Variants in PPARGC1A observed in about 807,000 individuals in gnomAD.
PPARGC1A encodes PPARG coactivator 1 alpha.
Under a neutral mutation model 88.7 loss-of-function variants are expected in PPARGC1A, and 25 were observed. That is an observed-to-expected ratio of 0.28 (90% CI 0.21 to 0.39). PPARGC1A has a LOEUF of 0.39. Ranked by LOEUF, PPARGC1A falls within the 10% of genes least tolerant of loss-of-function variation. The pLI is 1.00. For missense variants in PPARGC1A, 880 were observed against 968.7 expected (o/e 0.91, Z 1.22); for synonymous variants, 363 against 355.6 (o/e 1.02, Z -0.24).
chr4:24,380,160 A>G, the PPARGC1A span, among the ~76,000 whole-genome samples: 7 of 152,176 alleles, frequency 4.6e-5, no homozygotes, highest in Non-Finnish European at 7.3e-5. Context: ...AAACAAAATC[A>G]TAAATCTTGC....
the PPARGC1A span, among the ~76,000 whole-genome samples, chr4:24,367,440 A>T: frequency 6.6e-6 from 1 of 152,224 alleles, no homozygotes; most frequent in Non-Finnish European, 1.5e-5. Flanking sequence ...TAACGGGCTC[A>T]CATACTAGAA....
intron 7 of PPARGC1A, among the ~76,000 whole-genome samples, chr4:23,823,393 T>A (rs58895924): frequency 7.4e-4 from 112 of 152,046 alleles, no homozygotes; most frequent in African/African-American, 2.3e-3. Flanking sequence ...AAGGTAAAGA[T>A]CTCCATCTTC....
chr4:24,349,281 CCAGGAGG>C, the PPARGC1A span, among the ~76,000 whole-genome samples: 1 of 152,128 alleles, frequency 6.6e-6, no homozygotes, highest in Non-Finnish European at 1.5e-5. Flanking sequence ...TGGCCTCCTG[CCAGGAGG>C]TGGCGCTTTC....
chr4:24,214,479 T>C, the PPARGC1A span, among the ~76,000 whole-genome samples: 1 of 152,128 alleles, frequency 6.6e-6, no homozygotes, highest in Non-Finnish European at 1.5e-5. Flanking sequence ...TGGGAAGATA[T>C]TGGCAACAGG....
chr4:24,121,530 C>T, the PPARGC1A span, among the ~76,000 whole-genome samples: 180 of 152,172 alleles, frequency 1.2e-3, no homozygotes, highest in African/African-American at 3.4e-3. Flanking sequence ...CAGAGACCTC[C>T]GCCATACCCT....
chr4:24,351,497 G>T, the PPARGC1A span, among the ~76,000 whole-genome samples: 1 of 152,112 alleles, frequency 6.6e-6, no homozygotes, highest in East Asian at 1.9e-4. Context: ...AGAGTGATTT[G>T]TTGAAAGCAG....
chr4:24,320,796 AC>A, the PPARGC1A span, among the ~76,000 whole-genome samples: 2 of 152,226 alleles, frequency 1.3e-5, no homozygotes, highest in East Asian at 3.8e-4. Context: ...TATACAGAAC[AC>A]CATAGGAAGC....
chr4:23,943,681 C>A, the PPARGC1A span, among the ~76,000 whole-genome samples: 1 of 152,100 alleles, frequency 6.6e-6, no homozygotes, highest in Non-Finnish European at 1.5e-5. Context: ...TCTAAAAGTA[C>A]CTTATGAAAT....
the PPARGC1A span, among the ~76,000 whole-genome samples, chr4:24,345,792 C>T: frequency 3.3e-5 from 5 of 152,112 alleles, no homozygotes. Context: ...TGCCTGATTG[C>T]TCTGGTTGGA....
At chr4:24,402,185 G>A in the PPARGC1A span, among the ~76,000 whole-genome samples, 1 of 152,280 alleles carries the variant, frequency 6.6e-6, no homozygotes, top group Middle Eastern at 3.4e-3. Context: ...TCCGTAACCT[G>A]CCACAGCACA....
chr4:24,244,369 T>C, the PPARGC1A span, among the ~76,000 whole-genome samples: 1 of 152,256 alleles, frequency 6.6e-6, no homozygotes, highest in African/African-American at 2.4e-5. Flanking sequence ...GCATGTATCA[T>C]GTGACATATC....
At chr4:24,152,335 A>C in the PPARGC1A span, among the ~76,000 whole-genome samples, 1 of 152,208 alleles carries the variant, frequency 6.6e-6, no homozygotes, top group Non-Finnish European at 1.5e-5. Context: ...CTATTCATGC[A>C]AACATTTATG....
chr4:24,111,883 C>T, the PPARGC1A span, among the ~76,000 whole-genome samples: 1 of 152,194 alleles, frequency 6.6e-6, no homozygotes, highest in Non-Finnish European at 1.5e-5. Flanking sequence ...AACATATTTA[C>T]ACTTAGCTAC....
intron 2 of PPARGC1A, among the ~76,000 whole-genome samples, chr4:23,847,497 T>C (rs1399020279): frequency 6.6e-6 from 1 of 152,178 alleles, no homozygotes; most frequent in African/African-American, 2.4e-5. Flanking sequence ...CCAAAAGTCT[T>C]ATTACAATGA....
upstream of PPARGC1A, chr4:23,904,138 G>A (rs376764899): frequency 1.5e-4 from 111 of 730,358 alleles, 1 homozygote; most frequent in East Asian, 2.1e-3. Context: ...GCATGGTGAC[G>A]TGGGAGGGCA....
chr4:24,093,315 G>T, the PPARGC1A span, among the ~76,000 whole-genome samples: 1 of 152,194 alleles, frequency 6.6e-6, no homozygotes, highest in Non-Finnish European at 1.5e-5. Flanking sequence ...GGTCAATTGT[G>T]ACACTTAAGT....
chr4:23,927,831 A>G, the PPARGC1A span, among the ~76,000 whole-genome samples: 4 of 152,172 alleles, frequency 2.6e-5, no homozygotes, highest in Non-Finnish European at 5.9e-5. Flanking sequence ...TGATTCCTAC[A>G]TCATGGAACA....
chr4:24,158,001 T>G, the PPARGC1A span, among the ~76,000 whole-genome samples: 2 of 152,110 alleles, frequency 1.3e-5, no homozygotes, highest in African/African-American at 4.8e-5. Context: ...AAACTCTTCT[T>G]TACCAAGGCT....
intron 2 of PPARGC1A, chr4:23,866,236 C>A (rs201258909): frequency 6.6e-6 from 1 of 151,658 alleles, no homozygotes; most frequent in Non-Finnish European, 1.5e-5. Context: ...GTACAGCTCG[C>A]CTTTCTTTAC....
Sources: gnomAD v4.1 joint callset for allele counts (sites outside exome capture counted in the v4.1 genomes callset) on GRCh38, gnomAD v4.1.1 for gene constraint, MANE v1.5 for transcripts, NCBI Gene and HGNC (gene_info 2026-07-23, HGNC 2026-07-21) for gene names.